The following MBD5 variants were observed in gnomAD, a reference collection of about 807,000 sequenced individuals.
MBD5 encodes methyl-CpG-binding domain protein 5.
Under a neutral mutation model 117.3 loss-of-function variants are expected in MBD5, and 13 were observed. The ratio of observed to expected loss-of-function variants is 0.11; its 90% CI spans 0.07 to 0.18. The LOEUF (loss-of-function observed/expected upper bound fraction) is 0.18. Ranked by LOEUF, MBD5 falls within the 10% of genes least tolerant of loss-of-function variation. The probability of loss-of-function intolerance (pLI) is 1.00; values close to 1 mark genes in which losing one functional copy is unlikely to be tolerated. For synonymous variants in MBD5, 727 were observed against 766.4 expected (o/e 0.95, Z 0.85); for missense variants, 1,879 against 2,093.8 (o/e 0.90, Z 2.00).
chr2:148,285,992 A>G (rs747823629), intron 3 of MBD5, among the ~76,000 whole-genome samples: 16 of 152,154 alleles, frequency 1.1e-4, no homozygotes, highest in Non-Finnish European at 2.2e-4. Flanking sequence ...AAATTTTAAT[A>G]AGTTTTAATA....
intron 4 of MBD5, among the ~76,000 whole-genome samples, chr2:148,373,538 T>C (rs1703912715): frequency 6.6e-6 from 1 of 152,170 alleles, no homozygotes; most frequent in Non-Finnish European, 1.5e-5. Flanking sequence ...AGATAAACCA[T>C]AAGGCTTTCT....
rs1213571755 is a variant in MBD5, at chr2:148,470,149, C to A, written c.2206C>A (p.Gln736Lys). The A allele has an allele frequency of 6.2e-7, 1 of 1,613,892 alleles. No individual in the cohort carries two copies. The highest frequency in any genetic ancestry group is 8.5e-7 in the Non-Finnish European group (1 of 1,179,880). The change falls in exon 8 of 14, where the codon CAG becomes AAG. Residue 736 changes from glutamine (Q) to lysine (K), a missense_variant. Physicochemically the swap from Gln to Lys is moderately conservative, Grantham distance 53 (BLOSUM62 1). Coordinates refer to ENST00000642680, the MANE Select transcript of MBD5 (RefSeq NM_001378120.1). ...TACTGCTTTGCCTTGCTCTGCTAAC[C>A]AGCTGCATTTTACAGATCCCAGTAT... ...SNTALPCSAN[Q>K]LHFTDPSMNS...
chr2:148,032,152 T>G (rs1245013140), intron 1 of MBD5, among the ~76,000 whole-genome samples: 1 of 152,190 alleles, frequency 6.6e-6, no homozygotes, highest in Non-Finnish European at 1.5e-5. Flanking sequence ...TTATCTCTTT[T>G]TCACAAAGGG....
intron 1 of MBD5, among the ~76,000 whole-genome samples, chr2:148,094,083 C>G (rs541562448): frequency 3.9e-5 from 6 of 152,092 alleles, no homozygotes; most frequent in Non-Finnish European, 8.8e-5. Context: ...AGTGGCAGAG[C>G]CTTCCATGCC....
intron 4 of MBD5, among the ~76,000 whole-genome samples, chr2:148,389,241 GAA>G (rs35611552): frequency 2.2e-4 from 10 of 45,554 alleles, no homozygotes; most frequent in East Asian, 1.4e-3. Context: ...ATATAAATAG[GAA>G]AAAAAAACAT....
At chr2:148,385,589 A>T (rs1704326195) in intron 4 of MBD5, among the ~76,000 whole-genome samples, 1 of 152,090 alleles carries the variant, frequency 6.6e-6, no homozygotes, top group South Asian at 2.1e-4. Context: ...ATACCATTTG[A>T]CCCAGCCATC....
intron 1 of MBD5, among the ~76,000 whole-genome samples, chr2:148,178,154 GC>G (rs1200722827): frequency 6.6e-6 from 1 of 152,108 alleles, no homozygotes; most frequent in Admixed American, 6.5e-5. Context: ...TATTTAAAGG[GC>G]TTTTTTTTTA....
At chr2:148,064,812 T>C (rs946758337) in intron 1 of MBD5, among the ~76,000 whole-genome samples, 3 of 152,212 alleles carry the variant, frequency 2.0e-5, no homozygotes, top group African/African-American at 4.8e-5. Flanking sequence ...CTTCTTTCCT[T>C]CTTTTATTTC....
At chr2:148,384,681 T>C (rs1193348707) in intron 4 of MBD5, among the ~76,000 whole-genome samples, 1 of 151,944 alleles carries the variant, frequency 6.6e-6, no homozygotes, top group East Asian at 1.9e-4. Flanking sequence ...AGAACAAAGC[T>C]GGAGGCATCA....
At chr2:148,446,662 G>T (rs1212119910) in intron 4 of MBD5, among the ~76,000 whole-genome samples, 1 of 149,610 alleles carries the variant, frequency 6.7e-6, no homozygotes, top group Non-Finnish European at 1.5e-5. Flanking sequence ...TGCTATCCGA[G>T]TAAGTAACTT....
chr2:148,173,018 A>G (rs1015816472), intron 1 of MBD5, among the ~76,000 whole-genome samples: 2 of 152,044 alleles, frequency 1.3e-5, no homozygotes, highest in African/African-American at 4.8e-5. Context: ...CTGCCTGCTC[A>G]CCCTCCAGTT....
chr2:148,320,389 C>G (rs977457854), intron 3 of MBD5, among the ~76,000 whole-genome samples: 1 of 152,112 alleles, frequency 6.6e-6, no homozygotes, highest in Non-Finnish European at 1.5e-5. Context: ...GAATCTCACT[C>G]TGACACTCAG....
intron 6 of MBD5, 119 bp from the exon 7 acceptor site, chr2:148,463,620 G>C (rs1341249244): frequency 1.4e-5 from 17 of 1,254,484 alleles, no homozygotes; most frequent in Non-Finnish European, 1.9e-5. Context: ...TTAAAAACTT[G>C]AGAAAGTTTT....
At chr2:148,247,583 G>T (rs1173015410) in intron 3 of MBD5, among the ~76,000 whole-genome samples, 4 of 152,070 alleles carry the variant, frequency 2.6e-5, no homozygotes, top group African/African-American at 9.7e-5. Flanking sequence ...AGCGTATTGA[G>T]TGGTGGTATA....
intron 3 of MBD5, among the ~76,000 whole-genome samples, chr2:148,307,617 T>C (rs181304237): frequency 1.3e-5 from 2 of 152,340 alleles, no homozygotes; most frequent in Admixed American, 6.5e-5. Context: ...TTATTATTTC[T>C]AGTAGTTTAA....
At chr2:148,124,580 AAAAG>A (rs753126258) in intron 1 of MBD5, among the ~76,000 whole-genome samples, 1 of 152,190 alleles carries the variant, frequency 6.6e-6, no homozygotes, top group Non-Finnish European at 1.5e-5. Flanking sequence ...CCATTTTCAA[AAAAG>A]AAAGAATAAT....
At chr2:148,130,113 A>C (rs957688214) in intron 1 of MBD5, among the ~76,000 whole-genome samples, 2 of 152,200 alleles carry the variant, frequency 1.3e-5, no homozygotes, top group Non-Finnish European at 2.9e-5. Context: ...AGTGTCTTTG[A>C]ACATTTAGGA....
intron 1 of MBD5, among the ~76,000 whole-genome samples, chr2:148,094,719 T>C (rs1411427378): frequency 5.9e-5 from 9 of 152,132 alleles, no homozygotes; most frequent in Admixed American, 5.9e-4. Context: ...GATGAGAATG[T>C]TATTAAAAAC....
At chr2:148,378,115 T>A (rs1178401383) in intron 4 of MBD5, among the ~76,000 whole-genome samples, 4 of 152,202 alleles carry the variant, frequency 2.6e-5, no homozygotes, top group Non-Finnish European at 5.9e-5. Flanking sequence ...ATAAGCCATA[T>A]GAATTGCCTT....
Sources: gnomAD v4.1 joint callset for allele counts (sites outside exome capture counted in the v4.1 genomes callset) on GRCh38, gnomAD v4.1.1 for gene constraint, MANE v1.5 for transcripts, NCBI Gene and HGNC (gene_info 2026-07-23, HGNC 2026-07-21) for gene names.